Variants in ARHGAP1 observed in about 807,000 individuals in gnomAD.
ARHGAP1 encodes Rho GTPase activating protein 1.
Under a neutral mutation model 52.2 loss-of-function variants are expected in ARHGAP1, and 23 were observed. The observed-to-expected ratio is 0.44, with a 90% confidence interval of 0.32 to 0.62. The LOEUF (loss-of-function observed/expected upper bound fraction) is 0.62. Ranked by LOEUF, ARHGAP1 falls within the 20% of genes least tolerant of loss-of-function variation. ARHGAP1 has a pLI of 0.05. For synonymous variants in ARHGAP1, 210 were observed against 228.4 expected (o/e 0.92, Z 0.73); for missense variants, 480 against 560.9 (o/e 0.86, Z 1.46).
At chr11:46,683,746 T>C (rs1046047105) in intron 4 of ARHGAP1, among the ~76,000 whole-genome samples, 1 of 152,026 alleles carries the variant, frequency 6.6e-6, no homozygotes, top group Non-Finnish European at 1.5e-5. Context: ...ATTCAAGTGA[T>C]TCTCCTGACT....
chr11:46,694,718 G>C (rs1213076301), intron 3 of ARHGAP1, among the ~76,000 whole-genome samples: 1 of 152,226 alleles, frequency 6.6e-6, no homozygotes, highest in Non-Finnish European at 1.5e-5. Context: ...TCTGCAGGGG[G>C]TGAATGAGGC....
Position 46,677,129 on chromosome 11 carries a change from A to T in ARHGAP1, c.*1908T>A, listed in dbSNP as rs2064482630. The T allele has an allele frequency of 6.5e-6, 1 of 152,686 alleles. No homozygotes were observed. Among genetic ancestry groups the T allele is most frequent in the East Asian group, 1.9e-4 (1 of 5,202 alleles). The allele number at this position is 152,686 out of a possible 1,614,324, so 9.5% of individuals were successfully genotyped here. The stretch of plus-strand genomic sequence containing the variant: ...ATACAAAAAGTGCAAACGGTGAAAT[A>T]CATGATTGGTGCCAAGGAAGTCATT... On this transcript the variant is annotated 3_prime_UTR_variant, in exon 13 of 13. Transcript: ENST00000311956.
Position 46,680,939 on chromosome 11 carries a change from C to A in ARHGAP1, c.635+72G>T. ...GGGCTTGCTCTGCCTAAGCCCCACG[C>A]GGTCTCTGAATCAGGACACACGTCC... On this transcript the variant is annotated intron_variant, in intron 7 of 12. Coordinates refer to ENST00000311956, the MANE Select transcript of ARHGAP1 (RefSeq NM_004308.5). This position sits in a 1 kb window ranked among gnomAD's most constrained non-coding sequence, Gnocchi z 5.9. 6 of 1,401,768 alleles carry A rather than the reference C, an allele frequency of 4.3e-6. No homozygotes were observed. Among genetic ancestry groups the A allele is most frequent in the South Asian group, 1.2e-5 (1 of 86,004 alleles). 86.8% of individuals were successfully genotyped at this position (1,401,768 alleles called of 1,614,324 possible). A position where few individuals can be genotyped will look rare whatever the true frequency, so the allele number is the denominator to read the frequency against.
Position 46,679,056 on chromosome 11 carries a change from G to A in ARHGAP1, c.1301C>T (p.Pro434Leu), listed in dbSNP as rs775689729. ...LDHQGELFPS[P>L]DPSGL is the part of the protein sequence containing the mutation. Reference sequence around the variant, plus strand: ...CCAGGTTCAGAGCCCGCTGGGGTCCGGGCTTGGGAACAGCTCCCCTTGGTG... The same window carrying A: ...CCAGGTTCAGAGCCCGCTGGGGTCCAGGCTTGGGAACAGCTCCCCTTGGTG... Residue 434 changes from proline (P) to leucine (L), a missense_variant, in exon 13 of 13, where the codon CCG becomes CTG. By Grantham distance (98) the Pro-to-Leu change is moderately conservative (BLOSUM62 -3). Coordinates refer to ENST00000311956, the MANE Select transcript of ARHGAP1 (RefSeq NM_004308.5). The surrounding 1 kb of genome is among the most constrained non-coding windows in gnomAD (Gnocchi z 4.4). The A allele has an allele frequency of 1.5e-5, 24 of 1,614,080 alleles. No individual in the cohort carries two copies. Among genetic ancestry groups the A allele is most frequent in the African/African-American group, 5.3e-5 (4 of 74,948 alleles).
Position 46,699,078 on chromosome 11 carries a change from CA to C in ARHGAP1, c.-50+1472del, listed in dbSNP as rs201859987. On this transcript the variant is annotated intron_variant, in intron 1 of 12. Transcript: ENST00000311956. ...CAAAAATCTTAAGGATCACCTTAGG[CA>C]ATCACTTTTAGGAAGTTGTAGACTT... Among the ~76,000 whole-genome samples, 1,093 of 152,312 alleles carry C rather than the reference CA, an allele frequency of 7.2e-3. 7 individuals carry two copies. Among genetic ancestry groups the C allele is most frequent in the Non-Finnish European group, 9.2e-3 (628 of 68,026 alleles).
intron 4 of ARHGAP1, among the ~76,000 whole-genome samples, chr11:46,683,643 CTTTTT>C: frequency 6.9e-6 from 1 of 144,378 alleles, no homozygotes; most frequent in South Asian, 2.2e-4. Flanking sequence ...AAGCCCTCTC[CTTTTT>C]TTTTTTTTTG....
rs201102767 is a variant in ARHGAP1, at chr11:46,678,997, C to T, written c.*40G>A. 404 of 1,606,336 alleles carry T rather than the reference C, an allele frequency of 2.5e-4. No homozygotes were observed. The African/African-American group carries it at 3.0e-3, about 12-fold the overall frequency. On this transcript the variant is annotated 3_prime_UTR_variant, in exon 13 of 13. Transcript: ENST00000311956. ...GATGCCAGGAGGAAGAGTCCAAACC[C>T]GGGCTACCAGAGAAGGGGCTGGTGG...
At chr11:46,690,023 G>T (rs2064599369) in intron 3 of ARHGAP1, among the ~76,000 whole-genome samples, 1 of 152,144 alleles carries the variant, frequency 6.6e-6, no homozygotes, top group Non-Finnish European at 1.5e-5. Flanking sequence ...TAACAGTCAT[G>T]TCTCATTTCT....
rs111724531 is a variant in ARHGAP1 at position 46,678,980 on chromosome 11, G to A, written c.*57C>T. On this transcript the variant is annotated 3_prime_UTR_variant, in exon 13 of 13. Coordinates refer to ENST00000311956, the MANE Select transcript of ARHGAP1 (RefSeq NM_004308.5). ...GGGGCTTCATGGCCCCTGATGCCAG[G>A]AGGAAGAGTCCAAACCCGGGCTACC... is the stretch of plus-strand genomic sequence containing the variant. 0.014 allele frequency: 21,738 copies of A among 1,576,252 alleles called. 182 individuals carry two copies. Among genetic ancestry groups the A allele is most frequent in the Non-Finnish European group, 0.016 (18,191 of 1,152,328 alleles).
In ARHGAP1 at chr11:46,679,822, C is replaced by T; in HGVS notation, c.899-46G>A. 1 of 1,609,560 alleles carries T rather than the reference C, an allele frequency of 6.2e-7. No individual in the cohort carries two copies. Among genetic ancestry groups the T allele is most frequent in the Non-Finnish European group, 8.5e-7 (1 of 1,178,968 alleles). On this transcript the variant is annotated intron_variant, in intron 10 of 12. Transcript: ENST00000311956. This position sits in a 1 kb window ranked among gnomAD's most constrained non-coding sequence, Gnocchi z 4.4. ...GAGAAGCTCGGCACAGCCTGAAGGG[C>T]AGCACCCATCTGCAGACAACGCGGG...
In ARHGAP1 at chr11:46,681,261, C is replaced by A; in HGVS notation, c.536+32G>T. On this transcript the variant is annotated intron_variant, in intron 6 of 12. Coordinates refer to ENST00000311956, the MANE Select transcript of ARHGAP1 (RefSeq NM_004308.5). This position sits in a 1 kb window ranked among gnomAD's most constrained non-coding sequence, Gnocchi z 5.7. ...CCCAGCTTCAGAGTTCCAGGCAAGC[C>A]GGGACCACCAGCCCTGCCCGTGGCC... 1.3e-6 allele frequency: 2 copies of A among 1,591,220 alleles called. No homozygotes were observed.
chr11:46,680,357 G>T lies in ARHGAP1; in HGVS notation c.821-75C>A, dbSNP rs2064515113. 5 of 1,588,158 alleles carry T rather than the reference G, an allele frequency of 3.1e-6. No homozygotes were observed. Among genetic ancestry groups the T allele is most frequent in the Non-Finnish European group, 3.5e-6 (4 of 1,157,486 alleles). ...GATTCCCTGCCCCTTCTCTGTCTTG[G>T]GGTTCTAGGCAGGGCTGGGTGGGGA... On this transcript the variant is annotated intron_variant, in intron 9 of 12. Coordinates refer to ENST00000311956, the MANE Select transcript of ARHGAP1 (RefSeq NM_004308.5). This position sits in a 1 kb window ranked among gnomAD's most constrained non-coding sequence, Gnocchi z 5.9.
rs954195235 is a variant in ARHGAP1 at position 46,680,426 on chromosome 11, C to A, written c.820+61G>T. The stretch of plus-strand genomic sequence containing the variant: ...CTCCCTCTGCCCTGCCCAGCAGCTT[C>A]CCCAGCTTCCTGAAGGGAGCCGGGA... On this transcript the variant is annotated intron_variant, in intron 9 of 12. Coordinates refer to ENST00000311956, the MANE Select transcript of ARHGAP1 (RefSeq NM_004308.5). The surrounding 1 kb of genome is among the most constrained non-coding windows in gnomAD (Gnocchi z 5.9). 2 of 1,599,822 alleles carry A rather than the reference C, an allele frequency of 1.3e-6. No homozygotes were observed. Among genetic ancestry groups the A allele is most frequent in the African/African-American group, 2.7e-5 (2 of 74,554 alleles).
intron 3 of ARHGAP1, among the ~76,000 whole-genome samples, chr11:46,693,229 C>A (rs1011365651): frequency 1.2e-4 from 19 of 152,086 alleles, no homozygotes; most frequent in Admixed American, 1.2e-3. Context: ...AACTCCTGAC[C>A]TCGTGATCCA....
At chr11:46,683,969 G>A (rs2064549119) in intron 4 of ARHGAP1, among the ~76,000 whole-genome samples, 1 of 152,168 alleles carries the variant, frequency 6.6e-6, no homozygotes, top group Non-Finnish European at 1.5e-5. Context: ...TGGCCAAACA[G>A]CTCCTAGGCT....
chr11:46,679,004 C>T lies in ARHGAP1; in HGVS notation c.*33G>A, dbSNP rs747804640. 7.7e-5 allele frequency: 124 copies of T among 1,610,712 alleles called. No homozygotes were observed. Among genetic ancestry groups the T allele is most frequent in the Middle Eastern group, 3.3e-4 (2 of 6,044 alleles). ...GGAGGAAGAGTCCAAACCCGGGCTA[C>T]CAGAGAAGGGGCTGGTGGGGCAGGG... On this transcript the variant is annotated 3_prime_UTR_variant, in exon 13 of 13. Coordinates refer to ENST00000311956, the MANE Select transcript of ARHGAP1 (RefSeq NM_004308.5). This position sits in a 1 kb window ranked among gnomAD's most constrained non-coding sequence, Gnocchi z 4.4.
rs34845803 is a variant in ARHGAP1, at chr11:46,677,944, GAAA to G, written c.*1090_*1092del. 4.7e-4 allele frequency: 173 copies of G among 365,040 alleles called. No individual in the cohort carries two copies. Among genetic ancestry groups the G allele is most frequent in the Middle Eastern group, 1.4e-3 (3 of 2,130 alleles). 22.6% of individuals were successfully genotyped at this position (365,040 alleles called of 1,614,324 possible). Reference sequence around the variant, plus strand: ...GGTGACAGAGCGAGACTCCATCTCAGAAAAAAAAAAAAAAAGGTGGCCCTAGAG... The same window carrying G: ...GGTGACAGAGCGAGACTCCATCTCAGAAAAAAAAAAAAGGTGGCCCTAGAG... On this transcript the variant is annotated 3_prime_UTR_variant, in exon 13 of 13. Transcript: ENST00000311956.
intron 3 of ARHGAP1, among the ~76,000 whole-genome samples, chr11:46,691,506 C>A (rs2064615277): frequency 6.8e-6 from 1 of 146,346 alleles, no homozygotes; most frequent in Non-Finnish European, 1.5e-5. Context: ...GGCTGGAGTG[C>A]AATGGCGCGA....
In ARHGAP1 at chr11:46,680,610, C is replaced by T. The variant is rs4752927; in HGVS notation, c.743+30G>A. 208,806 of 1,613,266 alleles carry T rather than the reference C, an allele frequency of 0.13. 20,734 individuals carry two copies. Among genetic ancestry groups the T allele is most frequent in the East Asian group, 0.58 (26,107 of 44,830 alleles). On this transcript the variant is annotated intron_variant, in intron 8 of 12. Transcript: ENST00000311956. This position sits in a 1 kb window ranked among gnomAD's most constrained non-coding sequence, Gnocchi z 5.9. ...GCCGGGCCTGCAGCCCTTCCCGCCC[C>T]GCCGTGGCCCAGCCACCTTTCATAC...
Sources: allele counts gnomAD v4.1 joint callset (sites outside exome capture counted in the v4.1 genomes callset), GRCh38; gene constraint gnomAD v4.1.1; non-coding constraint Gnocchi (gnomAD v3.1); transcripts MANE v1.5; gene names NCBI Gene and HGNC (gene_info 2026-07-23, HGNC 2026-07-21).